CSNK1G3: variants seen among roughly 807,000 people sequenced by gnomAD.
CSNK1G3 encodes the protein casein kinase I isoform gamma-3.
CSNK1G3 carries 23 observed loss-of-function variants against 64.3 expected under a neutral mutation model. That is an observed-to-expected ratio of 0.36 (90% CI 0.26 to 0.51). The LOEUF (loss-of-function observed/expected upper bound fraction) is 0.51. Among genes scored for constraint, CSNK1G3 ranks in the 20% least tolerant of loss-of-function variants. The probability of loss-of-function intolerance (pLI) is 0.96; values close to 1 mark genes in which losing one functional copy is unlikely to be tolerated. For missense variants in CSNK1G3, 357 were observed against 510.5 expected, an observed-to-expected ratio of 0.70 and a Z score of 2.90; for synonymous variants, 158 against 162.2, an observed-to-expected ratio of 0.97 and a Z score of 0.20.
intron 1 of CSNK1G3, among the ~76,000 whole-genome samples, chr5:123,543,649 C>T (rs1422456670): frequency 6.6e-6 from 1 of 152,108 alleles, no homozygotes; most frequent in African/African-American, 2.4e-5. Flanking sequence ...GGAAATTGCT[C>T]CTAGCCAGAG....
chr5:123,581,709 T>TA (rs147900093), intron 6 of CSNK1G3, among the ~76,000 whole-genome samples: 33,985 of 150,204 alleles, frequency 0.23, 4,081 homozygotes, highest in African/African-American at 0.29. Context: ...TCTCTTTTTT[T>TA]AAAAAAAAAA....
At chr5:123,595,250 C>A in intron 10 of CSNK1G3, 116 bp downstream of exon 11, 1 of 914,660 alleles carries the variant, frequency 1.1e-6, no homozygotes. Context: ...CTGAACTACT[C>A]TATCCATAAT....
chr5:123,519,637 T>TC (rs1308464049), intron 1 of CSNK1G3, among the ~76,000 whole-genome samples: 1 of 152,222 alleles, frequency 6.6e-6, no homozygotes, highest in Non-Finnish European at 1.5e-5. Flanking sequence ...AATGGGAGTT[T>TC]CTTGGTCAGA....
intron 10 of CSNK1G3, among the ~76,000 whole-genome samples, chr5:123,596,902 C>G (rs1203959831): frequency 1.3e-5 from 2 of 152,006 alleles, no homozygotes; most frequent in Non-Finnish European, 2.9e-5. Context: ...CCTTCCCACT[C>G]CAAAATAAAG....
chr5:123,556,561 A>G (rs951484073), intron 3 of CSNK1G3, among the ~76,000 whole-genome samples: 14 of 152,028 alleles, frequency 9.2e-5, no homozygotes, highest in African/African-American at 3.1e-4. Context: ...TCTGCTGGCA[A>G]AATGAGTTTT....
intron 12 of CSNK1G3, among the ~76,000 whole-genome samples, chr5:123,605,808 C>T (rs530398663): frequency 6.6e-6 from 1 of 152,124 alleles, no homozygotes; most frequent in South Asian, 2.1e-4. Context: ...TATCATTGCC[C>T]TTGAGTACAA....
At chr5:123,536,804 G>GAT (rs1337041728) in intron 1 of CSNK1G3, among the ~76,000 whole-genome samples, 2 of 152,000 alleles carry the variant, frequency 1.3e-5, no homozygotes, top group South Asian at 2.1e-4. Context: ...TTCAAAAGAA[G>GAT]ATACACACAT....
chr5:123,596,562 G>A (rs561440622), intron 10 of CSNK1G3, among the ~76,000 whole-genome samples: 6 of 152,078 alleles, frequency 3.9e-5, no homozygotes, highest in South Asian at 2.1e-4. Context: ...GAGGTGGCTC[G>A]TGGGATTCCT....
chr5:123,587,754 A>G (rs528468221), intron 6 of CSNK1G3, among the ~76,000 whole-genome samples: 16 of 152,312 alleles, frequency 1.1e-4, no homozygotes, highest in African/African-American at 3.1e-4. Context: ...GAGCTGTAGT[A>G]TACAGTGACT....
At chr5:123,536,630 A>C (rs1039125794) in intron 1 of CSNK1G3, among the ~76,000 whole-genome samples, 2 of 152,112 alleles carry the variant, frequency 1.3e-5, no homozygotes, top group African/African-American at 4.8e-5. Flanking sequence ...TGTGATCACT[A>C]TATAGTATGT....
chr5:123,554,789 G>A (rs1222217443), intron 3 of CSNK1G3, among the ~76,000 whole-genome samples: 1 of 152,240 alleles, frequency 6.6e-6, no homozygotes, highest in Non-Finnish European at 1.5e-5. Flanking sequence ...ACAGCCTGTA[G>A]TGGGCAGCTC....
chr5:123,514,517 T>G (rs1323291198), intron 1 of CSNK1G3, among the ~76,000 whole-genome samples: 2 of 152,208 alleles, frequency 1.3e-5, no homozygotes, highest in Admixed American at 1.3e-4. Context: ...GACTCAGTAC[T>G]GCCTTCAAGG....
At chr5:123,516,402 C>T (rs1019687045) in intron 1 of CSNK1G3, among the ~76,000 whole-genome samples, 10 of 152,088 alleles carry the variant, frequency 6.6e-5, no homozygotes, top group Non-Finnish European at 8.8e-5. Context: ...TAACTTCTAG[C>T]GACATGGTGG....
chr5:123,583,396 T>C (rs571397157), intron 6 of CSNK1G3, among the ~76,000 whole-genome samples: 1 of 152,176 alleles, frequency 6.6e-6, no homozygotes, highest in East Asian at 1.9e-4. Context: ...GTTTCGCTCT[T>C]GTTGCGCAGG....
intron 1 of CSNK1G3, among the ~76,000 whole-genome samples, chr5:123,536,534 T>G (rs1780848640): frequency 6.6e-6 from 1 of 151,838 alleles, no homozygotes; most frequent in South Asian, 2.1e-4. Context: ...ATGCATAGTT[T>G]CAAATAGCTA....
At chr5:123,517,498 G>A (rs971469666) in intron 1 of CSNK1G3, among the ~76,000 whole-genome samples, 1 of 151,694 alleles carries the variant, frequency 6.6e-6, no homozygotes, top group Non-Finnish European at 1.5e-5. Context: ...AAATAGATGA[G>A]GGTTAAATAA....
At chr5:123,532,844 A>G (rs1186143221) in intron 1 of CSNK1G3, among the ~76,000 whole-genome samples, 1 of 151,910 alleles carries the variant, frequency 6.6e-6, no homozygotes, top group East Asian at 1.9e-4. Context: ...AAATATAAGC[A>G]ATAGTCTCTT....
At chr5:123,601,473 A>G (rs540745615) in intron 10 of CSNK1G3, among the ~76,000 whole-genome samples, 2 of 152,110 alleles carry the variant, frequency 1.3e-5, no homozygotes, top group Non-Finnish European at 2.9e-5. Flanking sequence ...ACCCTGGAAA[A>G]ATTACATTAA....
intron 1 of CSNK1G3, among the ~76,000 whole-genome samples, chr5:123,522,666 T>C (rs997495321): frequency 3.3e-5 from 5 of 152,258 alleles, no homozygotes; most frequent in African/African-American, 1.2e-4. Flanking sequence ...ATAGTTGTTA[T>C]GAAGTATTGT....
Sources: gnomAD v4.1 joint callset for allele counts (sites outside exome capture counted in the v4.1 genomes callset) on GRCh38, gnomAD v4.1.1 for gene constraint, MANE v1.5 for transcripts, NCBI Gene and HGNC (gene_info 2026-07-23, HGNC 2026-07-21) for gene names.